POU3F3: variants seen among roughly 807,000 people sequenced by gnomAD.
The protein encoded by POU3F3 is POU domain, class 3, transcription factor 3.
Under a neutral mutation model 8.6 loss-of-function variants are expected in POU3F3, and 1 was observed. The observed-to-expected ratio is 0.12, with a 90% CI of 0.04 to 0.55. POU3F3 has a LOEUF of 0.55. Ranked by LOEUF, POU3F3 falls within the 20% of genes least tolerant of loss-of-function variation. POU3F3 has a pLI of 0.91. For missense variants in POU3F3, 577 were observed against 690.7 expected, an observed-to-expected ratio of 0.84 and a Z score of 1.84; for synonymous variants, 418 against 327.4, an observed-to-expected ratio of 1.28 and a Z score of -2.99.
At chr2:104,867,634 T>TC in the POU3F3 span, 1 of 153,948 alleles carries the variant, frequency 6.5e-6, no homozygotes, top group African/African-American at 2.4e-5. This position sits in a 1 kb window ranked among gnomAD's most constrained non-coding sequence, Gnocchi z 5.0. Context: ...TCATGGCTGT[T>TC]CCCCGGGAGG....
the POU3F3 span, among the ~76,000 whole-genome samples, chr2:104,894,217 C>T: frequency 6.6e-6 from 1 of 152,352 alleles, no homozygotes; most frequent in African/African-American, 2.4e-5. Flanking sequence ...GTGCACAGCA[C>T]ATGTTAGGCA....
chr2:104,887,902 A>G, the POU3F3 span, among the ~76,000 whole-genome samples: 1 of 152,246 alleles, frequency 6.6e-6, no homozygotes, highest in Non-Finnish European at 1.5e-5. Context: ...AGCGGGGAAC[A>G]CTTAAGAAGT....
At chr2:104,874,222 C>T in the POU3F3 span, among the ~76,000 whole-genome samples, 3 of 152,164 alleles carry the variant, frequency 2.0e-5, no homozygotes, top group Non-Finnish European at 2.9e-5. Context: ...TTGGGAGCTG[C>T]TGTTTGGAGG....
At chr2:104,927,654 G>A in the POU3F3 span, among the ~76,000 whole-genome samples, 1 of 14,856 alleles carries the variant, frequency 6.7e-5, no homozygotes, top group Admixed American at 6.7e-4. Context: ...AAGCTGGGGC[G>A]GGGGATTGTT....
At chr2:104,862,712 C>CA (rs1676680705), downstream of POU3F3, among the ~76,000 whole-genome samples, 1 of 152,178 alleles carries the variant, frequency 6.6e-6, no homozygotes, top group South Asian at 2.1e-4. Flanking sequence ...GAACCTTTCT[C>CA]AAAGATTTAA....
chr2:104,927,028 A>C, the POU3F3 span, among the ~76,000 whole-genome samples: 1 of 152,162 alleles, frequency 6.6e-6, no homozygotes, highest in Admixed American at 6.5e-5. Flanking sequence ...GGGCGCAACA[A>C]ACCACCATGG....
Position 104,855,370 on chromosome 2 carries a change from C to A in POU3F3, c.-141C>A. On this transcript the variant is annotated 5_prime_UTR_variant, in exon 1 of 1. Coordinates refer to ENST00000361360, the MANE Select transcript of POU3F3 (RefSeq NM_006236.3). The stretch of plus-strand genomic sequence containing the variant: ...GCGAAGGCGGCGGGGCCGGCGGGGG[C>A]CCGGGGCGGGGGCGGGGAAGGAGGG... 2 of 262,514 alleles carry A rather than the reference C, an allele frequency of 7.6e-6. No homozygotes were observed. Among genetic ancestry groups the A allele is most frequent in the Non-Finnish European group, 1.1e-5 (2 of 189,484 alleles). The allele number at this position is 262,514 out of a possible 1,614,324, so 16.3% of individuals were successfully genotyped here.
downstream of POU3F3, among the ~76,000 whole-genome samples, chr2:104,860,879 C>A (rs1676648503): frequency 6.9e-6 from 1 of 145,944 alleles, no homozygotes; most frequent in South Asian, 2.2e-4. Flanking sequence ...AGTGTTTGCT[C>A]ATGACCATGC....
chr2:104,878,323 G>T, the POU3F3 span, among the ~76,000 whole-genome samples: 4 of 152,172 alleles, frequency 2.6e-5, no homozygotes, highest in Admixed American at 2.6e-4. Flanking sequence ...TATTTTCAAT[G>T]GAGTGGATCC....
the POU3F3 span, among the ~76,000 whole-genome samples, chr2:104,881,610 T>C: frequency 1.3e-5 from 2 of 152,200 alleles, no homozygotes; most frequent in Non-Finnish European, 2.9e-5. Context: ...TTATTTCAAA[T>C]TGGCTTTTCA....
chr2:104,854,168 G>C lies in POU3F3; in HGVS notation c.-1343G>C, dbSNP rs935662159. On this transcript the variant is annotated 5_prime_UTR_variant, in exon 1 of 1. Transcript: ENST00000361360. The surrounding 1 kb of genome is among the most constrained non-coding windows in gnomAD (Gnocchi z 4.5). Reference sequence around the variant, plus strand: ...GGACAGAGAGCGAACTGTCAGATCGGAGCGAGAGCGGGCGCCCGAGAGAGG... The same window carrying C: ...GGACAGAGAGCGAACTGTCAGATCGCAGCGAGAGCGGGCGCCCGAGAGAGG... 2.0e-5 allele frequency among the ~76,000 whole-genome samples: 3 copies of C among 152,172 alleles called. No individual in the cohort carries two copies. The highest frequency in any genetic ancestry group is 7.2e-5 in the African/African-American group (3 of 41,440).
the POU3F3 span, among the ~76,000 whole-genome samples, chr2:104,914,876 G>T: frequency 6.6e-6 from 1 of 152,200 alleles, no homozygotes; most frequent in Non-Finnish European, 1.5e-5. Flanking sequence ...TGAGACCGTG[G>T]TAAAAGCAGG....
chr2:104,904,697 A>G, the POU3F3 span, among the ~76,000 whole-genome samples: 19 of 152,184 alleles, frequency 1.2e-4, no homozygotes, highest in African/African-American at 4.6e-4. Context: ...AGTCAAATGT[A>G]TACTGAGGTA....
chr2:104,924,119 C>T, the POU3F3 span, among the ~76,000 whole-genome samples: 1 of 152,046 alleles, frequency 6.6e-6, no homozygotes, highest in East Asian at 1.9e-4. Flanking sequence ...AACTATGCAC[C>T]TAAAAATGGA....
the POU3F3 span, among the ~76,000 whole-genome samples, chr2:104,868,960 G>C: frequency 2.0e-5 from 3 of 152,188 alleles, no homozygotes; most frequent in Admixed American, 2.0e-4. Flanking sequence ...GAGACTTGCT[G>C]ACGTGAACAA....
At chr2:104,886,834 G>C in the POU3F3 span, among the ~76,000 whole-genome samples, 3 of 152,198 alleles carry the variant, frequency 2.0e-5, no homozygotes, top group South Asian at 6.2e-4. Context: ...CTTGAACCTG[G>C]AAGGCAGAGG....
the POU3F3 span, among the ~76,000 whole-genome samples, chr2:104,863,741 G>A: frequency 6.6e-6 from 1 of 152,302 alleles, no homozygotes. Flanking sequence ...TTGTCTTCCC[G>A]AAGGATGCGG....
At chr2:104,890,587 G>A in the POU3F3 span, among the ~76,000 whole-genome samples, 842 of 152,176 alleles carry the variant, frequency 5.5e-3, 8 homozygotes, top group African/African-American at 0.019. Flanking sequence ...TGAATGTTTC[G>A]GGTTTTCACT....
chr2:104,892,620 C>A, the POU3F3 span, among the ~76,000 whole-genome samples: 1 of 150,956 alleles, frequency 6.6e-6, no homozygotes, highest in African/African-American at 2.5e-5. Flanking sequence ...TGCATGCAAC[C>A]ACTCCTGGCT....
Sources: allele counts gnomAD v4.1 joint callset (sites outside exome capture counted in the v4.1 genomes callset), GRCh38; gene constraint gnomAD v4.1.1; non-coding constraint Gnocchi (gnomAD v3.1); transcripts MANE v1.5; gene names NCBI Gene and HGNC (gene_info 2026-07-23, HGNC 2026-07-21).